KDM2B: variants seen among roughly 807,000 people sequenced by gnomAD.
KDM2B encodes lysine-specific demethylase 2B.
In KDM2B, 26 loss-of-function variants were observed where a neutral mutation model predicts 150.0. The ratio of observed to expected loss-of-function variants is 0.17; its 90% CI spans 0.13 to 0.24. The LOEUF is 0.24. Ranked by LOEUF, KDM2B falls within the 10% of genes least tolerant of loss-of-function variation. The pLI, the probability that KDM2B is intolerant of heterozygous loss-of-function variation, is 1.00. For missense variants in KDM2B, 1,265 were observed against 1,816.9 expected, an observed-to-expected ratio of 0.70 and a Z score of 5.52; for synonymous variants, 734 against 729.5, an observed-to-expected ratio of 1.01 and a Z score of -0.10.
chr12:121,516,038 A>G (rs1886156164), intron 9 of KDM2B, among the ~76,000 whole-genome samples: 1 of 152,144 alleles, frequency 6.6e-6, no homozygotes, highest in Non-Finnish European at 1.5e-5. Context: ...TTGATTTCCT[A>G]TGAAGAAGGG....
upstream of KDM2B, among the ~76,000 whole-genome samples, chr12:121,581,955 T>C (rs780124957): frequency 3.9e-5 from 6 of 152,202 alleles, no homozygotes; most frequent in Non-Finnish European, 5.9e-5. Flanking sequence ...CTTTGAAGTT[T>C]GTTTTCATTC....
chr12:121,546,643 T>C (rs1555310749), intron 6 of KDM2B, among the ~76,000 whole-genome samples: 2 of 151,546 alleles, frequency 1.3e-5, no homozygotes, highest in East Asian at 3.9e-4. Context: ...GACCTCGTGA[T>C]CTGCCCACCT....
Position 121,467,188 on chromosome 12 carries a change from C to G in KDM2B, c.1735-13844G>C. 2.7e-6 allele frequency: 3 copies of G among 1,116,948 alleles called. No homozygotes were observed. The highest frequency in any genetic ancestry group is 3.3e-6 in the Non-Finnish European group (3 of 896,136). The allele number at this position is 1,116,948 out of a possible 1,614,324, so 69.2% of individuals were successfully genotyped here. ...CCGGCTCCGATTCATAGTCGTCGTC[C>G]TCGGCGCTCACGGACATGGCCATGG... On this transcript the variant is annotated intron_variant, in intron 12 of 22. Coordinates refer to ENST00000377071, the MANE Select transcript of KDM2B (RefSeq NM_032590.5). The surrounding 1 kb of genome is among the most constrained non-coding windows in gnomAD (Gnocchi z 5.1).
intron 12 of KDM2B, among the ~76,000 whole-genome samples, chr12:121,474,528 A>G (rs1881136749): frequency 1.3e-5 from 2 of 152,124 alleles, no homozygotes; most frequent in African/African-American, 4.8e-5. Flanking sequence ...AAAAATAAAA[A>G]TTTAGGTTAG....
chr12:121,422,849 A>G, the KDM2B span, among the ~76,000 whole-genome samples: 1 of 152,236 alleles, frequency 6.6e-6, no homozygotes, highest in Non-Finnish European at 1.5e-5. Flanking sequence ...GGCCAGGAAC[A>G]CAGATGGCTT....
chr12:121,571,440 C>T (rs1555315888), intron 4 of KDM2B, among the ~76,000 whole-genome samples: 1 of 151,192 alleles, frequency 6.6e-6, no homozygotes, highest in Non-Finnish European at 1.5e-5. Context: ...AGGAATGTGC[C>T]ACCACACGTG....
intron 8 of KDM2B, among the ~76,000 whole-genome samples, chr12:121,524,304 T>G (rs974191175): frequency 2.6e-5 from 4 of 152,166 alleles, no homozygotes; most frequent in Admixed American, 2.6e-4. Flanking sequence ...AGGGCTCTGG[T>G]AGAGGATGGT....
chr12:121,579,064 G>A, intron 1 of KDM2B, 118 bp from the exon 2 acceptor site: 2 of 1,103,282 alleles, frequency 1.8e-6, no homozygotes, highest in Non-Finnish European at 2.6e-6. Context: ...CCCCACCATT[G>A]CAACCCAAGC....
chr12:121,559,249 C>T lies in KDM2B; in HGVS notation c.398-9611G>A, dbSNP rs191867029. Among the ~76,000 whole-genome samples the T allele has an allele frequency of 7.4e-3, 1,091 of 147,608 alleles. 6 individuals carry two copies. Among genetic ancestry groups the T allele is most frequent in the South Asian group, 0.014 (60 of 4,402 alleles). ...AGTGACCGTCTTAGGAGCAGAAGGT[C>T]GGGAGGCTTGGTTCTAAGAAGAGTT... On this transcript the variant is annotated intron_variant, in intron 4 of 22. Coordinates refer to ENST00000377071, the MANE Select transcript of KDM2B (RefSeq NM_032590.5).
At chr12:121,564,288 T>A (rs1555314421) in intron 4 of KDM2B, among the ~76,000 whole-genome samples, 2 of 151,444 alleles carry the variant, frequency 1.3e-5, no homozygotes, top group Non-Finnish European at 2.9e-5. Context: ...AAACCCCGTC[T>A]CTACTAAAAA....
chr12:121,444,678 A>C (rs1261179492), intron 14 of KDM2B, 142 bp from the exon 15 acceptor site: 6 of 703,192 alleles, frequency 8.5e-6, no homozygotes, highest in African/African-American at 3.5e-5. Context: ...GCAAAAGAAA[A>C]CACAGCTGCA....
intron 9 of KDM2B, among the ~76,000 whole-genome samples, chr12:121,516,139 G>A (rs1178559422): frequency 4.6e-5 from 7 of 152,036 alleles, no homozygotes; most frequent in Non-Finnish European, 1.0e-4. Context: ...AGCTGAGGAC[G>A]GACAGACCTC....
chr12:121,508,285 C>G (rs1555303259), intron 11 of KDM2B, among the ~76,000 whole-genome samples: 1 of 152,034 alleles, frequency 6.6e-6, no homozygotes, highest in Non-Finnish European at 1.5e-5. Flanking sequence ...TGGGGTCTCC[C>G]TATGTTGGCC....
At position 121,537,937 on chromosome 12, in the gene KDM2B, C is replaced by A. The variant is rs1555309023; in HGVS notation, c.684-3347G>T. Among the ~76,000 whole-genome samples the A allele has an allele frequency of 6.6e-6, 1 of 150,888 alleles. No individual in the cohort carries two copies. Among genetic ancestry groups the A allele is most frequent in the East Asian group, 2.0e-4 (1 of 5,126 alleles). ...CCTCGGCGGCGGCGGCGGCGGCTCCCGTGCGTCCCCTTCGGCTCCCGGGCG... is the reference window on the plus strand; with the variant it reads ...CCTCGGCGGCGGCGGCGGCGGCTCCAGTGCGTCCCCTTCGGCTCCCGGGCG... On this transcript the variant is annotated intron_variant, in intron 6 of 22. Coordinates refer to ENST00000377071, the MANE Select transcript of KDM2B (RefSeq NM_032590.5). The surrounding 1 kb of genome is among the most constrained non-coding windows in gnomAD (Gnocchi z 8.7).
intron 11 of KDM2B, 62 bp downstream of exon 11, chr12:121,509,505 C>T (rs1344432922): frequency 6.3e-6 from 10 of 1,576,824 alleles, no homozygotes; most frequent in Non-Finnish European, 8.6e-6. Context: ...GCACGTGTCA[C>T]ACTGAACGGG....
chr12:121,571,894 GC>G (rs1484797145), intron 4 of KDM2B, among the ~76,000 whole-genome samples: 1 of 151,808 alleles, frequency 6.6e-6, no homozygotes, highest in Admixed American at 6.6e-5. Context: ...CTTGTGATTC[GC>G]CCGCGTCGGC....
At chr12:121,473,165 A>G (rs574933184) in intron 12 of KDM2B, among the ~76,000 whole-genome samples, 19 of 152,096 alleles carry the variant, frequency 1.2e-4, no homozygotes, top group South Asian at 8.3e-4. Context: ...CCAAGACAGG[A>G]GGATCACTTG....
At chr12:121,535,188 T>C (rs554126653) in intron 6 of KDM2B, among the ~76,000 whole-genome samples, 2 of 147,790 alleles carry the variant, frequency 1.4e-5, no homozygotes, top group East Asian at 2.0e-4. Context: ...AAAGAAGCAA[T>C]GCACAGGAAA....
rs1434353295 is a variant in KDM2B at position 121,550,034 on chromosome 12, G to A, written c.398-396C>T. Reference sequence around the variant, plus strand: ...CTACTAAAAATACAAAGATGGCCAGGCATGATGGCTCATGCCTGTAATCCC... The same window carrying A: ...CTACTAAAAATACAAAGATGGCCAGACATGATGGCTCATGCCTGTAATCCC... On this transcript the variant is annotated intron_variant, in intron 4 of 22. Coordinates refer to ENST00000377071, the MANE Select transcript of KDM2B (RefSeq NM_032590.5). Among the ~76,000 whole-genome samples, 3 of 152,154 alleles carry A rather than the reference G, an allele frequency of 2.0e-5. No homozygotes were observed. In the East Asian group the frequency reaches 5.8e-4, roughly 29 times the overall value.
Sources: allele counts gnomAD v4.1 joint callset (sites outside exome capture counted in the v4.1 genomes callset), GRCh38; gene constraint gnomAD v4.1.1; non-coding constraint Gnocchi (gnomAD v3.1); transcripts MANE v1.5; gene names NCBI Gene and HGNC (gene_info 2026-07-23, HGNC 2026-07-21).